COL6A2: variants seen among roughly 807,000 people sequenced by gnomAD.
COL6A2 encodes collagen alpha-2(VI) chain.
In COL6A2, 90 loss-of-function variants were observed where a neutral mutation model predicts 124.9. The observed-to-expected ratio is 0.72, with a 90% CI of 0.61 to 0.86. The LOEUF is 0.86. COL6A2 is among the 40% of genes least tolerant of loss of function. The probability of loss-of-function intolerance (pLI) is 0.00; values close to 1 mark genes in which losing one functional copy is unlikely to be tolerated. For missense variants in COL6A2, 1,607 were observed against 1,502.5 expected, an observed-to-expected ratio of 1.07 and a Z score of -1.15; for synonymous variants, 793 against 618.2, an observed-to-expected ratio of 1.28 and a Z score of -4.19.
intron 5 of COL6A2, among the ~76,000 whole-genome samples, chr21:46,114,970 C>T (rs1465898656): frequency 6.6e-6 from 1 of 152,268 alleles, no homozygotes; most frequent in Non-Finnish European, 1.5e-5. Context: ...TAACAGCTGT[C>T]TAGACCAGTA....
chr21:46,129,722 G>T, intron 27 of COL6A2: 1 of 1,396,334 alleles, frequency 7.2e-7, no homozygotes, highest in Non-Finnish European at 9.3e-7. Flanking sequence ...TCCTGTGGCC[G>T]CTCTCTTTAT....
chr21:46,131,975 C>G lies in COL6A2; in HGVS notation c.2483C>G (p.Thr828Arg). Residue 828 changes from threonine (T) to arginine (R), a missense_variant, in exon 28 of 28, where the codon ACG becomes AGG. By Grantham distance (71) the Thr-to-Arg change is moderately conservative (BLOSUM62 -1). Transcript: ENST00000300527. ...ACAGAGCTGTCCGTGGCACAGTGCA[C>G]GCAGCGGCCCGTGGACATCGTCTTC... is the stretch of plus-strand genomic sequence containing the variant. ...CQTELSVAQC[T>R]QRPVDIVFLL... is the part of the protein sequence containing the mutation. The G allele has an allele frequency of 6.2e-7, 1 of 1,607,720 alleles. No individual in the cohort carries two copies. The highest frequency in any genetic ancestry group is 8.5e-7 in the Non-Finnish European group (1 of 1,178,570).
At chr21:46,128,001 G>A (rs1461642144) in intron 27 of COL6A2, among the ~76,000 whole-genome samples, 1 of 152,200 alleles carries the variant, frequency 6.6e-6, no homozygotes, top group African/African-American at 2.4e-5. Flanking sequence ...ATGCCTGCCT[G>A]AGGGTTTGCG....
At chr21:46,122,639 G>A in intron 20 of COL6A2, 108 bp downstream of exon 20, 1 of 1,317,144 alleles carries the variant, frequency 7.6e-7, no homozygotes, top group Non-Finnish European at 1.1e-6. Flanking sequence ...CCTGTCTTGA[G>A]ATGGTCCTGG....
chr21:46,122,577 T>C (rs747723695), intron 20 of COL6A2, 46 bp downstream of exon 20: 9 of 1,598,978 alleles, frequency 5.6e-6, no homozygotes, highest in African/African-American at 5.4e-5. Flanking sequence ...GGTGGGGGTC[T>C]GCACGCCCAA....
At position 46,120,136 on chromosome 21, in the gene COL6A2, C is replaced by T. The variant is rs6147541; in HGVS notation, c.1332+286C>T. On this transcript the variant is annotated intron_variant, in intron 15 of 27. Transcript: ENST00000300527. The stretch of plus-strand genomic sequence containing the variant: ...TCACACCCCCCGGCCCCCACTGAGG[C>T]ACCTCTTACCCCCAGCCCACTGAGG... Among the ~76,000 whole-genome samples, 12,501 of 88,032 alleles carry T rather than the reference C, an allele frequency of 0.14. 661 individuals carry two copies. Among genetic ancestry groups the T allele is most frequent in the Middle Eastern group, 0.2 (36 of 176 alleles). The allele number at this position is 88,032 out of a possible 152,430, so 57.8% of individuals were successfully genotyped here. A position where few individuals can be genotyped will look rare whatever the true frequency, so the allele number is the denominator to read the frequency against.
Position 46,130,888 on chromosome 21 carries a change from G to C in COL6A2, c.2462-1066G>C, listed in dbSNP as rs1282101086. Among the ~76,000 whole-genome samples the C allele has an allele frequency of 2.0e-5, 3 of 152,320 alleles. No homozygotes were observed. The South Asian group carries it at 6.2e-4, about 32-fold the overall frequency. On this transcript the variant is annotated intron_variant, in intron 27 of 27. Transcript: ENST00000300527. Reference sequence around the variant, plus strand: ...CTGAGGGAACCCCATCTGCCAGCTCGTGCGTGCTCAGACGGCGTCCATGTC... The same window carrying C: ...CTGAGGGAACCCCATCTGCCAGCTCCTGCGTGCTCAGACGGCGTCCATGTC...
chr21:46,130,181 T>C (rs997811000), intron 27 of COL6A2, among the ~76,000 whole-genome samples: 3 of 152,156 alleles, frequency 2.0e-5, no homozygotes, highest in Admixed American at 2.0e-4. Context: ...GTAGGGCGAA[T>C]GGCCACAGCT....
At chr21:46,113,705 C>T (rs1048701025) in intron 4 of COL6A2, 18 of 476,998 alleles carry the variant, frequency 3.8e-5, no homozygotes, top group Middle Eastern at 5.8e-4. Flanking sequence ...GGATTCCAGG[C>T]GTGAGCTGCA....
At chr21:46,104,256 T>A (rs2078315490) in intron 1 of COL6A2, among the ~76,000 whole-genome samples, 1 of 152,098 alleles carries the variant, frequency 6.6e-6, no homozygotes, top group Non-Finnish European at 1.5e-5. Context: ...ATCTTAAAGA[T>A]ACTCAAATAA....
In COL6A2 at chr21:46,112,179, G is replaced by A. The variant is rs141703710; in HGVS notation, c.316G>A (p.Glu106Lys). ...CGGCCTGCACTTCTCTGACCAGGTG[G>A]AGGTGTTCAGCCCACCGGGCAGCGA... The part of the protein sequence containing the change: ...YGGLHFSDQV[E>K]VFSPPGSDRA... The change falls in exon 3 of 28, where the codon GAG becomes AAG. Residue 106 changes from glutamate (E) to lysine (K), a missense_variant. By Grantham distance (56) the Glu-to-Lys change is moderately conservative (BLOSUM62 1). Around this residue, in one of 3 missense-constraint regions of COL6A2, gnomAD observed 342 missense variants for 381.5 expected, o/e 0.90. Coordinates refer to ENST00000300527, the MANE Select transcript of COL6A2 (RefSeq NM_001849.4). 18,221 of 1,612,984 alleles carry A rather than the reference G, an allele frequency of 0.011. 128 individuals are homozygous for A. The highest frequency in any genetic ancestry group is 0.014 in the Non-Finnish European group (17,061 of 1,180,026).
Position 46,126,520 on chromosome 21 carries a change from C to A in COL6A2, c.2440C>A (p.Pro814Thr). Residue 814 changes from proline (P) to threonine (T), a missense_variant, in exon 27 of 28, where the codon CCA becomes ACA. By Grantham distance (38) the Pro-to-Thr change is conservative (BLOSUM62 -1). This residue lies in a region of COL6A2 where 1,223 missense variants were observed against 1,052.2 expected (regional missense o/e 1.16). Coordinates refer to ENST00000300527, the MANE Select transcript of COL6A2 (RefSeq NM_001849.4). ...TCTTCCAGACCCTCAGATCGTGTGC[C>A]CAGACCTTCCCTGCCAAACAGGTAA... ...VLCPDPQIVC[P>T]DLPCQTELSV... 1.2e-6 allele frequency: 2 copies of A among 1,613,330 alleles called. No individual in the cohort carries two copies. The highest frequency in any genetic ancestry group is 1.7e-6 in the Non-Finnish European group (2 of 1,179,768).
At chr21:46,100,182 G>A (rs2078273823) in intron 1 of COL6A2, among the ~76,000 whole-genome samples, 1 of 151,928 alleles carries the variant, frequency 6.6e-6, no homozygotes, top group Non-Finnish European at 1.5e-5. Flanking sequence ...ACTGCAATCT[G>A]CACATCCCTG....
intron 20 of COL6A2, 52 bp from the exon 21 acceptor site, chr21:46,122,823 C>T: frequency 1.3e-6 from 2 of 1,527,418 alleles, no homozygotes; most frequent in Non-Finnish European, 1.8e-6. Context: ...CACTGGTGTC[C>T]CTGGTAGAGA....
rs765361834 is a variant in COL6A2 at position 46,112,428 on chromosome 21, G to T, written c.565G>T (p.Ala189Ser). 7 of 1,609,180 alleles carry T rather than the reference G, an allele frequency of 4.4e-6. No individual in the cohort carries two copies. The East Asian group carries it at 1.6e-4, about 36-fold the overall frequency. ...CCGCGAGGAGGGCATCCGGCTCTTC[G>T]CCGTGGCCCCCAACCAGAACCTGAA... ...RAREEGIRLF[A>S]VAPNQNLKEQ... The change falls in exon 3 of 28, where the codon GCC (alanine) becomes TCC (serine). Residue 189 changes from alanine to serine, a missense_variant. Physicochemically the swap from Ala to Ser is moderately conservative, Grantham distance 99. This residue lies in a region of COL6A2 where 342 missense variants were observed against 381.5 expected (regional missense o/e 0.90). Transcript: ENST00000300527.
At chr21:46,099,902 T>TTTTTTTTTTTC (rs2078270378) in intron 1 of COL6A2, among the ~76,000 whole-genome samples, 1 of 147,266 alleles carries the variant, frequency 6.8e-6, no homozygotes. Flanking sequence ...TTTTTTTTTT[T>TTTTTTTTTTTC]TTTTTTTTTT....
chr21:46,132,016 G>C lies in COL6A2; in HGVS notation c.2524G>C (p.Glu842Gln), dbSNP rs571051982. 3 of 1,609,416 alleles carry C rather than the reference G, an allele frequency of 1.9e-6. No homozygotes were observed. In the South Asian group the frequency reaches 3.3e-5, roughly 18 times the overall value. The part of the protein sequence containing the change: ...VDIVFLLDGS[E>Q]RLGEQNFHKA... ...CATCGTCTTCCTGCTGGACGGCTCCGAGCGGCTGGGTGAGCAGAACTTCCA... is the reference window on the plus strand; with the variant it reads ...CATCGTCTTCCTGCTGGACGGCTCCCAGCGGCTGGGTGAGCAGAACTTCCA... Residue 842 changes from glutamate (E) to glutamine (Q), a missense_variant, in exon 28 of 28, where the codon GAG (glutamate) becomes CAG (glutamine). Glu to Gln is a conservative substitution (Grantham distance 29, BLOSUM62 2). Transcript: ENST00000300527.
chr21:46,120,448 C>T (rs533548653), intron 15 of COL6A2, 67 bp from the exon 16 acceptor site: 1 of 1,346,570 alleles, frequency 7.4e-7, no homozygotes, highest in Non-Finnish European at 1.0e-6. Flanking sequence ...CCACACCCGC[C>T]TCTCACATGG....
Position 46,119,001 on chromosome 21 carries a change from G to C in COL6A2, c.1180-29G>C, listed in dbSNP as rs201395906. ...CCATGCCTCAGGGCCCCTGCCTCTG[G>C]GTGACTGTGCTGTCCTCTCCTTCTT... On this transcript the variant is annotated intron_variant, in intron 13 of 27. Coordinates refer to ENST00000300527, the MANE Select transcript of COL6A2 (RefSeq NM_001849.4). The C allele has an allele frequency of 7.5e-5, 116 of 1,536,978 alleles. No homozygotes were observed. In the African/African-American group the frequency reaches 1.4e-3, roughly 19 times the overall value.
Sources: gnomAD v4.1 joint callset for allele counts (sites outside exome capture counted in the v4.1 genomes callset) on GRCh38, gnomAD v4.1.1 for gene constraint, gnomAD v4.1.1 regional missense constraint, MANE v1.5 for transcripts, NCBI Gene and HGNC (gene_info 2026-07-23, HGNC 2026-07-21) for gene names.